Variants in TMEM131L observed in about 807,000 individuals in gnomAD.
The protein encoded by TMEM131L is transmembrane 131 like.
TMEM131L carries 54 observed loss-of-function variants against 192.2 expected under a neutral mutation model. The observed-to-expected ratio is 0.28, with a 90% CI of 0.23 to 0.35. The LOEUF (loss-of-function observed/expected upper bound fraction) is 0.35. TMEM131L is among the 10% of genes least tolerant of loss of function. The probability of loss-of-function intolerance (pLI) is 1.00; values close to 1 mark genes in which losing one functional copy is unlikely to be tolerated. For missense variants in TMEM131L, 1,888 were observed against 1,972.9 expected, an observed-to-expected ratio of 0.96 and a Z score of 0.82; for synonymous variants, 701 against 704.9, an observed-to-expected ratio of 0.99 and a Z score of 0.09.
At chr4:153,531,614 A>G (rs1215018113) in intron 3 of TMEM131L, among the ~76,000 whole-genome samples, 1 of 152,242 alleles carries the variant, frequency 6.6e-6, no homozygotes, top group Non-Finnish European at 1.5e-5. Context: ...ATTTTATTAT[A>G]TAAACGTGGC....
chr4:153,592,362 G>T, intron 17 of TMEM131L, 113 bp from the exon 18 acceptor site: 1 of 692,106 alleles, frequency 1.4e-6, no homozygotes, highest in Non-Finnish European at 2.6e-6. Context: ...GATGTTTCTT[G>T]ATTGGAGTTA....
chr4:153,581,547 ATCTGAGACC>A lies in TMEM131L; in HGVS notation c.882_890del (p.Glu295_Ser297del). Reference sequence around the variant, plus strand: ...CTATTGTTTACGTAGCTACAGATGAATCTGAGACCTCAGGTAAGGTGGAATGTTTAAAAA... The same window carrying A: ...CTATTGTTTACGTAGCTACAGATGAATCAGGTAAGGTGGAATGTTTAAAAA... On this transcript the variant is annotated inframe_deletion, in exon 9 of 35. Transcript: ENST00000409959. The A allele has an allele frequency of 6.4e-7, 1 of 1,558,738 alleles. No homozygotes were observed. Among genetic ancestry groups the A allele is most frequent in the Non-Finnish European group, 8.7e-7 (1 of 1,150,422 alleles).
At chr4:153,582,433 G>GTTGTT (rs1730418577) in intron 9 of TMEM131L, among the ~76,000 whole-genome samples, 1 of 40,336 alleles carries the variant, frequency 2.5e-5, no homozygotes, top group African/African-American at 1.4e-4. Flanking sequence ...TTTTTTTGTT[G>GTTGTT]TTTTTTTTTT....
At chr4:153,505,290 T>C (rs979359146) in intron 3 of TMEM131L, among the ~76,000 whole-genome samples, 4 of 151,968 alleles carry the variant, frequency 2.6e-5, no homozygotes, top group Admixed American at 6.6e-5. Context: ...TATTTTTTAA[T>C]GGAGATGGGG....
At chr4:153,606,195 A>G (rs543339319) in intron 25 of TMEM131L, among the ~76,000 whole-genome samples, 1 of 152,340 alleles carries the variant, frequency 6.6e-6, no homozygotes, top group Admixed American at 6.5e-5. Flanking sequence ...AACATTTGTG[A>G]AAAGGTGAAT....
chr4:153,555,719 C>CAT lies in TMEM131L; in HGVS notation c.309-61_309-60dup. On this transcript the variant is annotated intron_variant, in intron 4 of 34. Transcript: ENST00000409959. The surrounding 1 kb of genome is among the most constrained non-coding windows in gnomAD (Gnocchi z 4.1). ...ATCTGTGTGTATATATATAATAATACATATATATGTATGGTAATATTTATA... is the reference window on the plus strand; with the variant it reads ...ATCTGTGTGTATATATATAATAATACATATATATATGTATGGTAATATTTATA... 2.3e-6 allele frequency: 3 copies of CAT among 1,282,708 alleles called. No individual in the cohort carries two copies. Among genetic ancestry groups the CAT allele is most frequent in the Non-Finnish European group, 3.2e-6 (3 of 928,238 alleles). The allele number at this position is 1,282,708 out of a possible 1,614,324, so 79.5% of individuals were successfully genotyped here.
In TMEM131L at chr4:153,604,931, C is replaced by T. The variant is rs192731997; in HGVS notation, c.3418+501C>T. ...TGTTGGCCAGGCTGGGCTCAGACTC[C>T]GACCTCAAGTGATCCACCCCTTTGG... On this transcript the variant is annotated intron_variant, in intron 25 of 34. Coordinates refer to ENST00000409959, the MANE Select transcript of TMEM131L (RefSeq NM_001131007.2). Among the ~76,000 whole-genome samples, 61 of 152,182 alleles carry T rather than the reference C, an allele frequency of 4.0e-4. 1 individual carries two copies. Among genetic ancestry groups the T allele is most frequent in the Middle Eastern group, 6.8e-3 (2 of 294 alleles).
chr4:153,559,938 TC>T (rs1464256318), intron 7 of TMEM131L, among the ~76,000 whole-genome samples: 2 of 151,968 alleles, frequency 1.3e-5, no homozygotes, highest in African/African-American at 4.8e-5. Flanking sequence ...ACAAGAGCCT[TC>T]CCCCGCTCAC....
At chr4:153,529,003 A>T (rs1055255614) in intron 3 of TMEM131L, among the ~76,000 whole-genome samples, 1 of 151,890 alleles carries the variant, frequency 6.6e-6, no homozygotes, top group Non-Finnish European at 1.5e-5. Context: ...GGATCCAGTG[A>T]GCTGAGGAAG....
At chr4:153,491,997 G>T (rs556410944) in intron 3 of TMEM131L, among the ~76,000 whole-genome samples, 1 of 152,066 alleles carries the variant, frequency 6.6e-6, no homozygotes, top group East Asian at 1.9e-4. Flanking sequence ...ACCACACCTG[G>T]CAGTTTTTTC....
In TMEM131L at chr4:153,466,395, A is replaced by C; in HGVS notation, c.-3A>C. On this transcript the variant is annotated 5_prime_UTR_variant, in exon 1 of 35. Transcript: ENST00000409959. ...AGCAACGGAGAGGAGCGCGAGCAGC[A>C]GCATGGCGGGGCTCCGACGCCCGCA... is the stretch of plus-strand genomic sequence containing the variant. The C allele has an allele frequency of 1.5e-6, 2 of 1,322,718 alleles. No individual in the cohort carries two copies. The highest frequency in any genetic ancestry group is 3.1e-5 in the East Asian group (1 of 32,168). 81.9% of individuals were successfully genotyped at this position (1,322,718 alleles called of 1,614,324 possible).
At chr4:153,473,379 A>G (rs1731292522) in intron 2 of TMEM131L, among the ~76,000 whole-genome samples, 1 of 152,224 alleles carries the variant, frequency 6.6e-6, no homozygotes, top group Admixed American at 6.5e-5. Context: ...AGCCGGGGCT[A>G]CTGATGGTGT....
chr4:153,596,023 T>G (rs1399873468), intron 19 of TMEM131L, among the ~76,000 whole-genome samples: 1 of 152,280 alleles, frequency 6.6e-6, no homozygotes, highest in East Asian at 1.9e-4. Context: ...GCAAATCCCC[T>G]CTCCAGCATC....
At chr4:153,529,074 C>T (rs886660978) in intron 3 of TMEM131L, among the ~76,000 whole-genome samples, 3 of 151,924 alleles carry the variant, frequency 2.0e-5, no homozygotes, top group Non-Finnish European at 2.9e-5. Flanking sequence ...CATCAGTTGC[C>T]TGTTCTGTGA....
intron 3 of TMEM131L, among the ~76,000 whole-genome samples, chr4:153,501,646 G>A (rs1027364306): frequency 2.6e-5 from 4 of 152,296 alleles, no homozygotes; most frequent in Admixed American, 2.6e-4. Flanking sequence ...CACTGCTATG[G>A]TGGTGAAGAA....
intron 3 of TMEM131L, among the ~76,000 whole-genome samples, chr4:153,520,244 C>G (rs1735015159): frequency 1.3e-5 from 2 of 151,898 alleles, no homozygotes; most frequent in African/African-American, 2.4e-5. Context: ...TGCTTGAGCC[C>G]AGGAGTTTGA....
chr4:153,581,286 A>G lies in TMEM131L; in HGVS notation c.739-121A>G, dbSNP rs1011636679. ...AATAAAATAAAATAAAACACAAAAC[A>G]GCATATTCTGTTCTCACACACGTCC... On this transcript the variant is annotated intron_variant, in intron 8 of 34. Coordinates refer to ENST00000409959, the MANE Select transcript of TMEM131L (RefSeq NM_001131007.2). 8 of 711,612 alleles carry G rather than the reference A, an allele frequency of 1.1e-5. No homozygotes were observed. In the African/African-American group the frequency reaches 1.5e-4, roughly 13 times the overall value. 44.1% of individuals were successfully genotyped at this position (711,612 alleles called of 1,614,324 possible). A position where few individuals can be genotyped will look rare whatever the true frequency, so the allele number is the denominator to read the frequency against.
At chr4:153,614,144 G>T (rs1645539022) in intron 26 of TMEM131L, among the ~76,000 whole-genome samples, 1 of 152,170 alleles carries the variant, frequency 6.6e-6, no homozygotes. Flanking sequence ...GCAGGTAGAG[G>T]AACCATTGAG....
At chr4:153,507,378 C>T (rs1364850780) in intron 3 of TMEM131L, among the ~76,000 whole-genome samples, 2 of 152,154 alleles carry the variant, frequency 1.3e-5, no homozygotes, top group Admixed American at 6.5e-5. Context: ...GTGGGATCTG[C>T]GTGGCACATC....
Sources: allele counts gnomAD v4.1 joint callset (sites outside exome capture counted in the v4.1 genomes callset), GRCh38; gene constraint gnomAD v4.1.1; non-coding constraint Gnocchi (gnomAD v3.1); transcripts MANE v1.5; gene names NCBI Gene and HGNC (gene_info 2026-07-23, HGNC 2026-07-21).